LEMD3: variants seen among roughly 807,000 people sequenced by gnomAD.
LEMD3 encodes the protein inner nuclear membrane protein Man1.
In LEMD3, 33 loss-of-function variants were observed where a neutral mutation model predicts 95.2. The ratio of observed to expected loss-of-function variants is 0.35; its 90% CI spans 0.26 to 0.46. The LOEUF is 0.46. LEMD3 is among the 20% of genes least tolerant of loss of function. The pLI is 1.00. For missense variants in LEMD3, 1,210 were observed against 1,192.8 expected, an observed-to-expected ratio of 1.01 and a Z score of -0.21; for synonymous variants, 525 against 474.6, an observed-to-expected ratio of 1.11 and a Z score of -1.38.
At chr12:65,223,833 C>CTTT (rs71278238) in intron 4 of LEMD3, among the ~76,000 whole-genome samples, 98 of 125,702 alleles carry the variant, frequency 7.8e-4, no homozygotes, top group African/African-American at 2.7e-3. Context: ...TTTTTTGTGT[C>CTTT]TTTTTTTTTT....
intron 4 of LEMD3, among the ~76,000 whole-genome samples, chr12:65,235,672 A>G (rs1365563917): frequency 3.9e-5 from 6 of 152,314 alleles, no homozygotes; most frequent in African/African-American, 1.4e-4. Flanking sequence ...ATGCAATTTT[A>G]TATCAGGGAC....
rs1250002290 is a variant in LEMD3 at position 65,169,686 on chromosome 12, A to T, written c.90A>T (p.Pro30=). The change falls in exon 1 of 13, where the codon CCA becomes CCT. Residue 30 remains proline (P), a synonymous_variant. Transcript: ENST00000308330. ...QLRRYGLSPG[P]VTESTRPVYL... ...GCCGTTACGGCCTGTCTCCCGGACCAGTGACGGAGAGCACCCGCCCGGTCT... is the reference window on the plus strand; with the variant it reads ...GCCGTTACGGCCTGTCTCCCGGACCTGTGACGGAGAGCACCCGCCCGGTCT... The T allele has an allele frequency of 6.3e-7, 1 of 1,585,374 alleles. No individual in the cohort carries two copies. The highest frequency in any genetic ancestry group is 8.6e-7 in the Non-Finnish European group (1 of 1,166,544).
intron 4 of LEMD3, among the ~76,000 whole-genome samples, chr12:65,225,584 T>A (rs117585064): frequency 6.6e-6 from 1 of 152,124 alleles, no homozygotes; most frequent in African/African-American, 2.4e-5. Context: ...TCCAACTCTT[T>A]TGTTTGTTTG....
rs1408656916 is a variant in LEMD3 at position 65,170,124 on chromosome 12, C to G, written c.528C>G (p.Pro176=). ...QYRGLKAPPA[P]LAASEVTNSN... The stretch of plus-strand genomic sequence containing the variant: ...GCGGGCTCAAAGCGCCGCCGGCGCC[C>G]CTGGCCGCCAGCGAGGTGACTAACA... The change falls in exon 1 of 13, where the codon CCC becomes CCG. Residue 176 remains proline, a synonymous_variant. Transcript: ENST00000308330. The G allele has an allele frequency of 4.1e-6, 6 of 1,460,238 alleles. No individual in the cohort carries two copies. The East Asian group carries it at 1.5e-4, about 36-fold the overall frequency. The allele number at this position is 1,460,238 out of a possible 1,614,324, so 90.5% of individuals were successfully genotyped here.
chr12:65,213,339 C>T (rs1592448442), intron 2 of LEMD3, among the ~76,000 whole-genome samples: 1 of 152,118 alleles, frequency 6.6e-6, no homozygotes, highest in East Asian at 1.9e-4. Flanking sequence ...TATCCTCCCA[C>T]CTCAGTCTCC....
chr12:65,243,468 A>G lies in LEMD3; in HGVS notation c.2386A>G (p.Met796Val). 1 of 1,555,110 alleles carries G rather than the reference A, an allele frequency of 6.4e-7. No individual in the cohort carries two copies. ...LKIRNMFDPV[M>V]EIGDQWHLAI... is the part of the protein sequence containing the mutation. ...GATTCGGAATATGTTTGATCCCGTT[A>G]TGTAAGTATTATGATCAGGGGTACA... The change falls in exon 10 of 13, where the codon ATG becomes GTG. Residue 796 changes from methionine to valine, a missense_variant and splice_region_variant. Physicochemically the swap from Met to Val is conservative, Grantham distance 21. Transcript: ENST00000308330.
intron 1 of LEMD3, among the ~76,000 whole-genome samples, chr12:65,197,868 C>A (rs1359312136): frequency 6.6e-6 from 1 of 152,056 alleles, no homozygotes; most frequent in Admixed American, 6.6e-5. Context: ...CATTTTATTT[C>A]TCTGTGCGTT....
chr12:65,181,885 A>G (rs1159240952), intron 1 of LEMD3, among the ~76,000 whole-genome samples: 1 of 151,990 alleles, frequency 6.6e-6, no homozygotes, highest in Non-Finnish European at 1.5e-5. Context: ...TATCCTTTTG[A>G]CAGAAGTGTT....
At chr12:65,207,835 CT>C (rs34197057) in intron 1 of LEMD3, among the ~76,000 whole-genome samples, 14,045 of 152,092 alleles carry the variant, frequency 0.092, 716 homozygotes, top group East Asian at 0.15. Context: ...CAAGTTTTTC[CT>C]TTTTATCTGA....
intron 1 of LEMD3, among the ~76,000 whole-genome samples, chr12:65,189,835 A>G (rs1869182686): frequency 6.6e-6 from 1 of 152,156 alleles, no homozygotes; most frequent in Non-Finnish European, 1.5e-5. Flanking sequence ...TTAGACTTTT[A>G]AAAGCCTCTC....
intron 3 of LEMD3, 143 bp from the exon 4 acceptor site, chr12:65,218,409 A>G: frequency 2.2e-6 from 1 of 453,600 alleles, no homozygotes; most frequent in South Asian, 3.5e-5. Flanking sequence ...ATTATAAATA[A>G]TATTGTTCAT....
intron 4 of LEMD3, among the ~76,000 whole-genome samples, chr12:65,235,587 A>G (rs1328891855): frequency 6.6e-6 from 1 of 152,136 alleles, no homozygotes; most frequent in African/African-American, 2.4e-5. Context: ...ATATTCATTT[A>G]TATTAGGTGT....
chr12:65,213,368 G>A (rs1870002840), intron 2 of LEMD3, among the ~76,000 whole-genome samples: 1 of 152,048 alleles, frequency 6.6e-6, no homozygotes, highest in African/African-American at 2.4e-5. Flanking sequence ...TGGGACTACA[G>A]GTGCATACCA....
intron 4 of LEMD3, among the ~76,000 whole-genome samples, chr12:65,236,146 TGAA>T (rs1870766198): frequency 6.6e-6 from 1 of 152,254 alleles, no homozygotes; most frequent in African/African-American, 2.4e-5. Flanking sequence ...CCAATGCTGT[TGAA>T]GAATCTGTTG....
At chr12:65,213,697 T>G (rs1019926094) in intron 2 of LEMD3, among the ~76,000 whole-genome samples, 1 of 152,060 alleles carries the variant, frequency 6.6e-6, no homozygotes, top group Non-Finnish European at 1.5e-5. Context: ...GTTTAGTATC[T>G]GTGAATCAAA....
chr12:65,236,942 T>C (rs1341860547), intron 4 of LEMD3, among the ~76,000 whole-genome samples: 1 of 152,158 alleles, frequency 6.6e-6, no homozygotes. Context: ...TTAAAAATAC[T>C]CTACCCACAC....
chr12:65,215,898 T>G (rs1254536960), intron 2 of LEMD3, 79 bp from the exon 3 acceptor site: 2 of 578,602 alleles, frequency 3.5e-6, no homozygotes, highest in Admixed American at 3.3e-5. Flanking sequence ...ATTTACTGTT[T>G]TTTTTTTTTT....
intron 1 of LEMD3, among the ~76,000 whole-genome samples, chr12:65,172,730 CTT>C (rs201891713): frequency 1.1e-4 from 15 of 139,234 alleles, no homozygotes; most frequent in Admixed American, 1.4e-4. Context: ...TTTTTCTTTT[CTT>C]TTTTTTTTTT....
In LEMD3 at chr12:65,215,548, C is replaced by T. The variant is rs922361192; in HGVS notation, c.1561-429C>T. ...TAGGAGAGGACTGAGTATCAGTCAA[C>T]GTGCCAGTACTCATTCCCTTAGTTT... On this transcript the variant is annotated intron_variant, in intron 2 of 12. Coordinates refer to ENST00000308330, the MANE Select transcript of LEMD3 (RefSeq NM_014319.5). 5.9e-5 allele frequency among the ~76,000 whole-genome samples: 9 copies of T among 152,058 alleles called. No individual in the cohort carries two copies. In the South Asian group the frequency reaches 1.2e-3, roughly 21 times the overall value.
Sources: gnomAD v4.1 joint callset for allele counts (sites outside exome capture counted in the v4.1 genomes callset) on GRCh38, gnomAD v4.1.1 for gene constraint, MANE v1.5 for transcripts, NCBI Gene and HGNC (gene_info 2026-07-23, HGNC 2026-07-21) for gene names.